SCN2A: variants seen among roughly 807,000 people sequenced by gnomAD.
The protein encoded by SCN2A is sodium voltage-gated channel alpha subunit 2.
In SCN2A, 20 loss-of-function variants were observed where a neutral mutation model predicts 188.7. That is an observed-to-expected ratio of 0.11 (90% CI 0.07 to 0.15). SCN2A has a LOEUF of 0.15. Among genes scored for constraint, SCN2A ranks in the 10% least tolerant of loss-of-function variants. SCN2A has a pLI of 1.00. For missense variants in SCN2A, 1,278 were observed against 2,445.0 expected, an observed-to-expected ratio of 0.52 and a Z score of 10.07; for synonymous variants, 804 against 833.1, an observed-to-expected ratio of 0.97 and a Z score of 0.60.
intron 3 of SCN2A, among the ~76,000 whole-genome samples, chr2:165,301,187 T>A (rs559640086): frequency 7.9e-5 from 12 of 152,118 alleles, no homozygotes; most frequent in Non-Finnish European, 1.3e-4. Flanking sequence ...AAGATCAAGA[T>A]CTTGGTTTTG....
intron 16 of SCN2A, among the ~76,000 whole-genome samples, chr2:165,350,503 C>A (rs1308437727): frequency 2.0e-5 from 2 of 101,824 alleles, no homozygotes; most frequent in East Asian, 5.8e-4. Context: ...GACGGAGTCT[C>A]GCTCTGTCGC....
chr2:165,375,609 A>G (rs1278244027), intron 22 of SCN2A, among the ~76,000 whole-genome samples: 1 of 152,000 alleles, frequency 6.6e-6, no homozygotes, highest in Non-Finnish European at 1.5e-5. Context: ...CAGAATTACT[A>G]TGTCCGCACA....
At chr2:165,354,087 G>A in intron 16 of SCN2A, 105 bp from the exon 17 acceptor site, 4 of 1,374,318 alleles carry the variant, frequency 2.9e-6, no homozygotes, top group African/African-American at 1.4e-5. Context: ...AGAAATGCAT[G>A]TTAGAATAAA....
At chr2:165,265,515 A>ATATATATT (rs1188795670) in intron 1 of SCN2A, among the ~76,000 whole-genome samples, 38 of 115,444 alleles carry the variant, frequency 3.3e-4, no homozygotes, top group East Asian at 3.1e-3. Flanking sequence ...ATATATATAT[A>ATATATATT]TTGCTGTGCA....
At chr2:165,332,506 T>G (rs1257336005) in intron 14 of SCN2A, among the ~76,000 whole-genome samples, 2 of 151,956 alleles carry the variant, frequency 1.3e-5, no homozygotes, top group Non-Finnish European at 2.9e-5. Context: ...TATTTCGCAG[T>G]TGGGAAACTG....
rs142410265 is a variant in SCN2A, at chr2:165,315,255, AG to A, written c.1384-214del. 3.9e-5 allele frequency among the ~76,000 whole-genome samples: 6 copies of A among 152,290 alleles called. No homozygotes were observed. In the East Asian group the frequency reaches 1.2e-3, roughly 29 times the overall value. ...ATCATAGTGTGAGGACAGAGCTTGA[AG>A]GTTCTCATAAAAGTCGTATGTATCA... On this transcript the variant is annotated intron_variant, in intron 10 of 26. Transcript: ENST00000375437.
At position 165,353,053 on chromosome 2, in the gene SCN2A, CT is replaced by C. The variant is rs199906634; in HGVS notation, c.2920-1126del. On this transcript the variant is annotated intron_variant, in intron 16 of 26. Transcript: ENST00000375437. ...AATGTCTGATTTCTTCGTAAGTTGT[CT>C]TTTTTTTTTTTTCCACAATAGTGAG... Among the ~76,000 whole-genome samples the C allele has an allele frequency of 3.4e-3, 486 of 141,102 alleles. 1 individual carries two copies. The highest frequency in any genetic ancestry group is 0.017 in the South Asian group (78 of 4,464). 92.6% of individuals were successfully genotyped at this position (141,102 alleles called of 152,430 possible). A position where few individuals can be genotyped will look rare whatever the true frequency, so the allele number is the denominator to read the frequency against.
chr2:165,313,267 A>G (rs1032119139), intron 8 of SCN2A, among the ~76,000 whole-genome samples: 3 of 151,964 alleles, frequency 2.0e-5, no homozygotes, highest in African/African-American at 7.3e-5. Flanking sequence ...ACTTACACAC[A>G]TTTCTGCCTC....
chr2:165,279,434 A>G (rs533246649), intron 1 of SCN2A, among the ~76,000 whole-genome samples: 36 of 152,322 alleles, frequency 2.4e-4, no homozygotes, highest in African/African-American at 8.4e-4. Flanking sequence ...AAAGGTATAA[A>G]GGATGGAAAT....
At chr2:165,339,240 A>G (rs1265196881) in intron 14 of SCN2A, among the ~76,000 whole-genome samples, 1 of 146,038 alleles carries the variant, frequency 6.8e-6, no homozygotes, top group Non-Finnish European at 1.5e-5. Context: ...AAAAAAAAAA[A>G]AGAAAAAGAA....
In SCN2A at chr2:165,389,657, A is replaced by G. The variant is rs774304672; in HGVS notation, c.5851A>G (p.Ile1951Val). ...AACACCCATCAAAGAAGATACTCTC[A>G]TTGATAAACTGAATGAGAATTCAAC... ...DGTPIKEDTL[I>V]DKLNENSTPE... The change falls in exon 27 of 27, where the codon ATT becomes GTT. Residue 1951 changes from isoleucine to valine, a missense_variant. Physicochemically the swap from Ile to Val is conservative, Grantham distance 29 (BLOSUM62 3). Around this residue, in one of 17 missense-constraint regions of SCN2A, gnomAD observed 109 missense variants for 137.9 expected, o/e 0.79. Coordinates refer to ENST00000375437, the MANE Select transcript of SCN2A (RefSeq NM_001040142.2). This position sits in a 1 kb window ranked among gnomAD's most constrained non-coding sequence, Gnocchi z 4.2. 6.2e-7 allele frequency: 1 copy of G among 1,613,666 alleles called. No individual in the cohort carries two copies. The highest frequency in any genetic ancestry group is 1.7e-5 in the Admixed American group (1 of 59,976).
intron 1 of SCN2A, among the ~76,000 whole-genome samples, chr2:165,284,851 T>C (rs1359180732): frequency 1.3e-5 from 2 of 152,206 alleles, no homozygotes; most frequent in Non-Finnish European, 2.9e-5. Context: ...GCCTTCCTGC[T>C]GATGAGCCAT....
At chr2:165,270,160 G>C (rs1695041550) in intron 1 of SCN2A, 1 of 151,816 alleles carries the variant, frequency 6.6e-6, no homozygotes, top group Non-Finnish European at 1.5e-5. Context: ...TATTTCAAAA[G>C]TCCCCTCAAG....
intron 1 of SCN2A, among the ~76,000 whole-genome samples, chr2:165,289,567 AAT>A (rs987805820): frequency 6.6e-6 from 1 of 152,250 alleles, no homozygotes; most frequent in African/African-American, 2.4e-5. Context: ...ACCTTCACGT[AAT>A]ATATGTCATA....
intron 9 of SCN2A, 65 bp downstream of exon 9, chr2:165,313,826 G>T: frequency 1.2e-6 from 2 of 1,611,718 alleles, no homozygotes; most frequent in South Asian, 2.2e-5. Context: ...AATTGCTGTA[G>T]AATATTTTAT....
intron 1 of SCN2A, among the ~76,000 whole-genome samples, chr2:165,244,114 C>T (rs551568178): frequency 1.4e-3 from 206 of 152,070 alleles, no homozygotes; most frequent in African/African-American, 1.9e-3. Flanking sequence ...TGGTGGCTGA[C>T]GCCTGTAATC....
intron 16 of SCN2A, among the ~76,000 whole-genome samples, chr2:165,345,361 C>CA (rs2105320060): frequency 6.6e-6 from 1 of 152,270 alleles, no homozygotes; most frequent in South Asian, 2.1e-4. Flanking sequence ...AACATTGTCT[C>CA]TAAAAACATT....
Position 165,354,429 on chromosome 2 carries a change from A to G in SCN2A, c.3157A>G (p.Ile1053Val), listed in dbSNP as rs1054419020. The G allele has an allele frequency of 1.5e-5, 24 of 1,614,024 alleles. No homozygotes were observed. Among genetic ancestry groups the G allele is most frequent in the Non-Finnish European group, 2.0e-5 (24 of 1,180,014 alleles). ...TCTAAATAATAAAAAAGACAGCTGTATTTCCAACCATACCACCATAGAAAT... is the reference window on the plus strand; with the variant it reads ...TCTAAATAATAAAAAAGACAGCTGTGTTTCCAACCATACCACCATAGAAAT... ...EDLNNKKDSC[I>V]SNHTTIEIGK... The change falls in exon 17 of 27, where the codon ATT becomes GTT. Residue 1053 changes from isoleucine to valine, a missense_variant. Ile to Val is a conservative substitution (Grantham distance 29, BLOSUM62 3). Around this residue, in one of 17 missense-constraint regions of SCN2A, gnomAD observed 228 missense variants for 297.3 expected, o/e 0.77. Transcript: ENST00000375437.
At chr2:165,368,286 C>A (rs927461120) in intron 19 of SCN2A, among the ~76,000 whole-genome samples, 1 of 152,110 alleles carries the variant, frequency 6.6e-6, no homozygotes, top group African/African-American at 2.4e-5. Context: ...CTCTGATGTC[C>A]AGCTGTTCCT....
Sources: allele counts gnomAD v4.1 joint callset (sites outside exome capture counted in the v4.1 genomes callset), GRCh38; gene constraint gnomAD v4.1.1; regional missense constraint gnomAD v4.1.1; non-coding constraint Gnocchi (gnomAD v3.1); transcripts MANE v1.5; gene names NCBI Gene and HGNC (gene_info 2026-07-23, HGNC 2026-07-21).